The following DTNA variants were observed in gnomAD, a reference collection of about 807,000 sequenced individuals.
DTNA encodes dystrobrevin alpha, also known as dystrophin-related protein 3.
Under a neutral mutation model 100.7 loss-of-function variants are expected in DTNA, and 43 were observed. The ratio of observed to expected loss-of-function variants is 0.43; its 90% CI spans 0.33 to 0.55. The LOEUF (loss-of-function observed/expected upper bound fraction) is 0.55, where lower values mean the gene tolerates loss of function less well. Ranked by LOEUF, DTNA falls within the 20% of genes least tolerant of loss-of-function variation. The pLI, the probability that DTNA is intolerant of heterozygous loss-of-function variation, is 0.04. For missense variants in DTNA, 798 were observed against 953.9 expected (o/e 0.84, Z 2.15); for synonymous variants, 349 against 347.9 (o/e 1.00, Z -0.04).
In DTNA at chr18:34,550,347, T is replaced by C. The variant is rs553221401; in HGVS notation, c.-2+56833T>C. On this transcript the variant is annotated intron_variant, in intron 1 of 19. Coordinates refer to the DTNA transcript ENST00000283365. The stretch of plus-strand genomic sequence containing the variant: ...ACTAGAAGGTGCATGGAGTGGTTGA[T>C]TGATTTATTGATTTTCGGCTAGGGG... Among the ~76,000 whole-genome samples, 5 of 152,202 alleles carry C rather than the reference T, an allele frequency of 3.3e-5. No homozygotes were observed. In the South Asian group the frequency reaches 8.3e-4, roughly 25 times the overall value.
At chr18:34,605,799 A>G (rs1171920691) in intron 1 of DTNA, among the ~76,000 whole-genome samples, 2 of 152,196 alleles carry the variant, frequency 1.3e-5, no homozygotes, top group Non-Finnish European at 2.9e-5. Context: ...TTTAATAAAT[A>G]GCAACATTTC....
intron 1 of DTNA, among the ~76,000 whole-genome samples, chr18:34,740,068 T>G (rs931707388): frequency 6.6e-6 from 1 of 152,018 alleles, no homozygotes; most frequent in African/African-American, 2.4e-5. Context: ...ACTGTGGGAG[T>G]TCCAAGTATA....
chr18:34,719,198 A>C (rs1477616589), intron 1 of DTNA, among the ~76,000 whole-genome samples: 1 of 151,960 alleles, frequency 6.6e-6, no homozygotes, highest in East Asian at 1.9e-4. Context: ...AAAACTAGCC[A>C]GGCATGGTGG....
chr18:34,497,168 TTTG>T (rs558624421), intron 1 of DTNA, among the ~76,000 whole-genome samples: 52 of 152,346 alleles, frequency 3.4e-4, no homozygotes, highest in South Asian at 8.3e-4. Context: ...GGGAGGTTTT[TTTG>T]TTGTTGTTGT....
chr18:34,505,353 G>C (rs1342900290), intron 1 of DTNA, among the ~76,000 whole-genome samples: 2 of 152,158 alleles, frequency 1.3e-5, no homozygotes, highest in Non-Finnish European at 2.9e-5. Context: ...CACCTGGATA[G>C]TGCAGGCCAT....
At chr18:34,804,323 G>A (rs1282718266) in intron 4 of DTNA, among the ~76,000 whole-genome samples, 5 of 152,268 alleles carry the variant, frequency 3.3e-5, no homozygotes, top group South Asian at 2.1e-4. Context: ...TTAGAACTTC[G>A]TCCTGAGGGC....
At chr18:34,842,607 A>G (rs1321097494) in intron 13 of DTNA, among the ~76,000 whole-genome samples, 2 of 152,046 alleles carry the variant, frequency 1.3e-5, no homozygotes, top group African/African-American at 4.8e-5. Context: ...TTTTTGATCA[A>G]TTCCTCCAAC....
Position 34,693,746 on chromosome 18 carries a change from CTGTGTGTGTGTGTG to C in DTNA, c.-1-62204_-1-62191del, listed in dbSNP as rs34072179. Among the ~76,000 whole-genome samples, 1,033 of 143,188 alleles carry C rather than the reference CTGTGTGTGTGTGTG, an allele frequency of 7.2e-3. 7 individuals carry two copies. The highest frequency in any genetic ancestry group is 0.011 in the Admixed American group (155 of 14,084). The allele number at this position is 143,188 out of a possible 152,430, so 93.9% of individuals were successfully genotyped here. A position where few individuals can be genotyped will look rare whatever the true frequency, so the allele number is the denominator to read the frequency against. The stretch of plus-strand genomic sequence containing the variant: ...CATCCTGCTTGTCATCTTGTGTGCA[CTGTGTGTGTGTGTG>C]TGTGTGTGTGTGTGTGTGTGTGTGT... On this transcript the variant is annotated intron_variant, in intron 1 of 19. Transcript: ENST00000283365.
At chr18:34,555,453 T>G (rs1203136253) in intron 1 of DTNA, among the ~76,000 whole-genome samples, 2 of 151,998 alleles carry the variant, frequency 1.3e-5, no homozygotes, top group African/African-American at 4.8e-5. Context: ...TTCTAGTTCT[T>G]TTAATTGTGA....
intron 1 of DTNA, among the ~76,000 whole-genome samples, chr18:34,540,063 A>G (rs1007822136): frequency 1.3e-5 from 2 of 151,730 alleles, no homozygotes; most frequent in African/African-American, 4.8e-5. Flanking sequence ...ATTTTTATGA[A>G]CTCTCAGATA....
chr18:34,530,054 G>A (rs991363049), intron 1 of DTNA, among the ~76,000 whole-genome samples: 6 of 152,056 alleles, frequency 3.9e-5, no homozygotes, highest in Admixed American at 3.9e-4. Context: ...CCAGAGCTGC[G>A]TAGTCCACTG....
Position 34,827,579 on chromosome 18 carries a change from G to A in DTNA, c.1002-14G>A, listed in dbSNP as rs2095888878. 6.2e-7 allele frequency: 1 copy of A among 1,613,148 alleles called. No individual in the cohort carries two copies. The highest frequency in any genetic ancestry group is 1.7e-5 in the Admixed American group (1 of 59,986). The stretch of plus-strand genomic sequence containing the variant: ...TTTGTTTTAACTTTCCATTCACCCT[G>A]TGTTTTGTTTTAGGCCTCCCAGACC... On this transcript the variant is annotated splice_polypyrimidine_tract_variant and intron_variant, in intron 9 of 22. Transcript: ENST00000444659.
intron 1 of DTNA, among the ~76,000 whole-genome samples, chr18:34,735,035 T>G (rs1428614655): frequency 6.6e-6 from 1 of 152,070 alleles, no homozygotes; most frequent in Non-Finnish European, 1.5e-5. Flanking sequence ...AGGACAGAAC[T>G]AATAGAACAT....
At chr18:34,613,666 C>G (rs1252579379) in intron 1 of DTNA, among the ~76,000 whole-genome samples, 4 of 152,210 alleles carry the variant, frequency 2.6e-5, no homozygotes, top group Non-Finnish European at 5.9e-5. Context: ...TAATCCAGCT[C>G]AAGGCCCTAA....
intron 17 of DTNA, among the ~76,000 whole-genome samples, chr18:34,864,474 C>T (rs1159464016): frequency 6.6e-6 from 1 of 151,318 alleles, no homozygotes; most frequent in Non-Finnish European, 1.5e-5. Context: ...AGGATGGTCT[C>T]GATCTCCTGA....
At chr18:34,746,212 GT>G (rs199768814) in intron 1 of DTNA, among the ~76,000 whole-genome samples, 13 of 150,192 alleles carry the variant, frequency 8.7e-5, no homozygotes, top group East Asian at 2.0e-4. Context: ...ATTATTTGGG[GT>G]TTTTTTTCAT....
chr18:34,801,083 G>A (rs567170461), intron 4 of DTNA, among the ~76,000 whole-genome samples: 1 of 152,146 alleles, frequency 6.6e-6, no homozygotes, highest in South Asian at 2.1e-4. Flanking sequence ...CAAAGGGTAA[G>A]TGCCTTCCTC....
intron 22 of DTNA, among the ~76,000 whole-genome samples, chr18:34,887,329 C>G (rs1373395482): frequency 6.6e-6 from 1 of 152,206 alleles, no homozygotes; most frequent in Non-Finnish European, 1.5e-5. Flanking sequence ...CTGTTACATC[C>G]TGTGGCCACA....
intron 1 of DTNA, among the ~76,000 whole-genome samples, chr18:34,567,331 C>A (rs1420301206): frequency 1.3e-5 from 2 of 151,826 alleles, no homozygotes; most frequent in Non-Finnish European, 1.5e-5. Flanking sequence ...ATTTACTATT[C>A]GTTACCTTAA....
Sources: gnomAD v4.1 joint callset for allele counts (sites outside exome capture counted in the v4.1 genomes callset) on GRCh38, gnomAD v4.1.1 for gene constraint, MANE v1.5 for transcripts, NCBI Gene and HGNC (gene_info 2026-07-23, HGNC 2026-07-21) for gene names.